The following MAGT1 variants were observed in gnomAD, a reference collection of about 807,000 sequenced individuals.
The protein encoded by MAGT1 is dolichyl-diphosphooligosaccharide--protein glycosyltransferase subunit MAGT1.
MAGT1 carries 4 observed loss-of-function variants against 28.4 expected under a neutral mutation model. The observed-to-expected ratio is 0.14, with a 90% CI of 0.07 to 0.32. MAGT1 has a LOEUF of 0.32. Among genes scored for constraint, MAGT1 ranks in the 10% least tolerant of loss-of-function variants. MAGT1 has a pLI of 1.00. For missense variants in MAGT1, 193 were observed against 264.5 expected, an observed-to-expected ratio of 0.73 and a Z score of 1.88; for synonymous variants, 89 against 89.7, an observed-to-expected ratio of 0.99 and a Z score of 0.04.
intron 2 of MAGT1, among the ~76,000 whole-genome samples, chrX:77,874,475 A>G (rs1557217579): frequency 9.4e-6 from 1 of 106,629 alleles, no homozygotes; most frequent in Non-Finnish European, 1.9e-5. Context: ...GTGCACTTGT[A>G]GTATCAGCTA....
intron 1 of MAGT1, among the ~76,000 whole-genome samples, chrX:77,891,582 A>G (rs1246320948): frequency 9.0e-6 from 1 of 111,731 alleles, no homozygotes; most frequent in Non-Finnish European, 1.9e-5. Context: ...TGTGTATTAT[A>G]GATAATGAGT....
At chrX:77,875,113 T>C (rs1473942125) in intron 2 of MAGT1, among the ~76,000 whole-genome samples, 1 of 110,461 alleles carries the variant, frequency 9.1e-6, no homozygotes, top group Non-Finnish European at 1.9e-5. Flanking sequence ...TCCACCTGCC[T>C]CGACCTCCCA....
intron 1 of MAGT1, among the ~76,000 whole-genome samples, chrX:77,886,672 C>T (rs2077068973): frequency 9.1e-6 from 1 of 110,379 alleles, no homozygotes; most frequent in Non-Finnish European, 1.9e-5. Context: ...AAACAAAAAT[C>T]AAAATCCATA....
intron 1 of MAGT1, among the ~76,000 whole-genome samples, chrX:77,893,724 G>A (rs1419989885): frequency 9.0e-6 from 1 of 111,508 alleles, no homozygotes; most frequent in Non-Finnish European, 1.9e-5. Context: ...GAGAGACTCC[G>A]TTTCTACAAA....
At chrX:77,841,167 T>G in intron 8 of MAGT1, 79 bp downstream of exon 8, 1 of 770,381 alleles carries the variant, frequency 1.3e-6, no homozygotes, top group East Asian at 3.2e-5. Flanking sequence ...ATCCTATAAG[T>G]AAGAGGAAAA....
chrX:77,841,736 C>T (rs933158297), intron 7 of MAGT1, among the ~76,000 whole-genome samples: 6 of 106,301 alleles, frequency 5.6e-5, no homozygotes, highest in Middle Eastern at 4.7e-3. Flanking sequence ...AGTGCAGTGA[C>T]GCAATCTCAG....
chrX:77,857,482 C>A lies in MAGT1; in HGVS notation c.406G>T (p.Ala136Ser). Residue 136 changes from alanine (A) to serine (S), a missense_variant, in exon 4 of 10, where the codon GCT (alanine) becomes TCT (serine). Physicochemically the swap from Ala to Ser is moderately conservative, Grantham distance 99 (BLOSUM62 1). Transcript: ENST00000618282. ...GCAGGAAAGTTGATGAAAGTTGGAG[C>A]TGAATTCATGTTTAGCTGAATAAAA... Reference protein sequence around the residue: ...DVFQMLNMNSAPTFINFPAKG... With the variant: ...DVFQMLNMNSSPTFINFPAKG... 1 of 1,211,408 alleles carries A rather than the reference C, an allele frequency of 8.3e-7. No homozygotes were observed. Among genetic ancestry groups the A allele is most frequent in the Non-Finnish European group, 1.1e-6 (1 of 895,232 alleles).
intron 1 of MAGT1, among the ~76,000 whole-genome samples, chrX:77,881,251 T>C (rs1401535209): frequency 9.0e-6 from 1 of 111,237 alleles, no homozygotes; most frequent in Non-Finnish European, 1.9e-5. Context: ...ATTTTTGCCA[T>C]ATTTTGTTTT....
chrX:77,865,904 C>T (rs2077007411), intron 3 of MAGT1, among the ~76,000 whole-genome samples: 3 of 99,655 alleles, frequency 3.0e-5, no homozygotes, highest in African/African-American at 1.0e-4. Flanking sequence ...GCCTGTAATC[C>T]CAGCACTTTG....
rs782140239 is a variant in MAGT1 at position 77,882,749 on chromosome X, T to C, written c.103-7152A>G. Among the ~76,000 whole-genome samples the C allele has an allele frequency of 2.7e-5, 3 of 109,200 alleles. No individual in the cohort carries two copies. The Admixed American group carries it at 3.1e-4, about 11-fold the overall frequency. 94.8% of individuals were successfully genotyped at this position (109,200 alleles called of 115,157 possible). ...TGGGAGGCTGAGGAGTGAGGACTGC[T>C]TGAGCCCTGGAGTTCGAGACCAGCC... On this transcript the variant is annotated intron_variant, in intron 1 of 9. Coordinates refer to ENST00000618282, the MANE Select transcript of MAGT1 (RefSeq NM_001367916.1).
intron 3 of MAGT1, among the ~76,000 whole-genome samples, chrX:77,861,873 A>G (rs189790998): frequency 1.4e-4 from 16 of 111,554 alleles, no homozygotes; most frequent in Non-Finnish European, 2.4e-4. Context: ...GACAGAAAGT[A>G]GAATGGTGGT....
chrX:77,836,341 A>G (rs1455925730), intron 8 of MAGT1, among the ~76,000 whole-genome samples: 1 of 111,387 alleles, frequency 9.0e-6, no homozygotes, highest in African/African-American at 3.3e-5. Context: ...GGATAACTAT[A>G]GTCAATAATA....
intron 3 of MAGT1, chrX:77,868,431 G>A (rs1557217037): frequency 1.7e-5 from 2 of 117,271 alleles, no homozygotes; most frequent in Non-Finnish European, 3.5e-5. Context: ...GAGGTCAGGA[G>A]TTTGAGACCA....
Position 77,825,933 on chromosome X carries a change from T to C in MAGT1, c.*3287A>G, listed in dbSNP as rs1217680890. On this transcript the variant is annotated 3_prime_UTR_variant, in exon 10 of 10. Transcript: ENST00000618282. ...AGGGCTAAAAGCCAGATCTCTTTACTTCCTGTGCAGTGTTTCTACTCCATG... is the reference window on the plus strand; with the variant it reads ...AGGGCTAAAAGCCAGATCTCTTTACCTCCTGTGCAGTGTTTCTACTCCATG... Among the ~76,000 whole-genome samples, 1 of 112,899 alleles carries C rather than the reference T, an allele frequency of 8.9e-6. No individual in the cohort carries two copies. Among genetic ancestry groups the C allele is most frequent in the Non-Finnish European group, 1.9e-5 (1 of 53,419 alleles).
At chrX:77,889,845 T>C (rs1390602755) in intron 1 of MAGT1, among the ~76,000 whole-genome samples, 1 of 112,166 alleles carries the variant, frequency 8.9e-6, no homozygotes, top group African/African-American at 3.2e-5. Context: ...TTATTGACTA[T>C]AGTCACTCCG....
chrX:77,851,961 C>T (rs1232936701), intron 7 of MAGT1, among the ~76,000 whole-genome samples: 4 of 109,830 alleles, frequency 3.6e-5, no homozygotes, highest in African/African-American at 6.6e-5. Flanking sequence ...AGTAATCACA[C>T]GATCTCTGCT....
At chrX:77,842,123 C>T (rs893496828) in intron 7 of MAGT1, among the ~76,000 whole-genome samples, 1 of 109,398 alleles carries the variant, frequency 9.1e-6, no homozygotes, top group Non-Finnish European at 1.9e-5. Flanking sequence ...CCTAGTTTAG[C>T]GGTTCACACC....
intron 1 of MAGT1, among the ~76,000 whole-genome samples, chrX:77,891,377 G>A (rs1460875819): frequency 5.5e-5 from 6 of 108,269 alleles, no homozygotes; most frequent in Admixed American, 5.0e-4. Flanking sequence ...GTAGAGATGA[G>A]TCTGGCTATG....
At chrX:77,893,896 C>T (rs1332587986) in intron 1 of MAGT1, among the ~76,000 whole-genome samples, 1 of 107,562 alleles carries the variant, frequency 9.3e-6, no homozygotes, top group African/African-American at 3.4e-5. Flanking sequence ...GAGCGAGACC[C>T]GGTCTCAAAA....
Sources: gnomAD v4.1 joint callset for allele counts (sites outside exome capture counted in the v4.1 genomes callset) on GRCh38, gnomAD v4.1.1 for gene constraint, MANE v1.5 for transcripts, NCBI Gene and HGNC (gene_info 2026-07-23, HGNC 2026-07-21) for gene names.